The following MYO16 variants were observed in gnomAD, a reference collection of about 807,000 sequenced individuals.
MYO16 encodes the protein myosin XVI.
MYO16 carries 94 observed loss-of-function variants against 205.3 expected under a neutral mutation model. The ratio of observed to expected loss-of-function variants is 0.46; its 90% CI spans 0.39 to 0.54. The LOEUF is 0.54. Among genes scored for constraint, MYO16 ranks in the 20% least tolerant of loss-of-function variants. MYO16 has a pLI of 0.00. For missense variants in MYO16, 2,315 were observed against 2,387.5 expected, an observed-to-expected ratio of 0.97 and a Z score of 0.63; for synonymous variants, 988 against 954.0, an observed-to-expected ratio of 1.04 and a Z score of -0.66.
At chr13:108,883,249 G>A in intron 13 of MYO16, 63 bp downstream of exon 13, 1 of 1,565,168 alleles carries the variant, frequency 6.4e-7, no homozygotes, top group African/African-American at 1.4e-5. Context: ...CAGTAAAGAT[G>A]TACTCATTTC....
intron 27 of MYO16, among the ~76,000 whole-genome samples, chr13:109,073,108 C>CTTTTT (rs67656911): frequency 6.8e-6 from 1 of 148,142 alleles, no homozygotes. Flanking sequence ...TATGGAATAT[C>CTTTTT]TTTTTTTTTT....
chr13:109,116,467 C>G (rs944098308), intron 28 of MYO16, among the ~76,000 whole-genome samples: 19 of 152,032 alleles, frequency 1.2e-4, no homozygotes, highest in African/African-American at 4.3e-4. Flanking sequence ...TATCCCAATC[C>G]GTGGCTCCCA....
intron 2 of MYO16, among the ~76,000 whole-genome samples, chr13:108,673,413 G>A (rs1044575290): frequency 6.4e-5 from 9 of 141,472 alleles, no homozygotes; most frequent in Admixed American, 3.6e-4. Context: ...TACTTAATAT[G>A]CCAAATGTTT....
intron 20 of MYO16, among the ~76,000 whole-genome samples, chr13:108,967,137 T>C (rs920956177): frequency 1.3e-5 from 2 of 149,366 alleles, no homozygotes; most frequent in African/African-American, 5.0e-5. Flanking sequence ...TATACAGACA[T>C]GTATACTGAC....
At chr13:108,821,151 T>A (rs423159) in intron 8 of MYO16, among the ~76,000 whole-genome samples, 4,238 of 152,144 alleles carry the variant, frequency 0.028, 185 homozygotes, top group African/African-American at 0.094. Flanking sequence ...TGAATAACTT[T>A]ATAAATACAT....
chr13:109,052,198 C>A, intron 24 of MYO16, 102 bp from the exon 25 acceptor site: 1 of 1,000,278 alleles, frequency 1.0e-6, no homozygotes, highest in Non-Finnish European at 1.5e-6. Context: ...ACGTCTTGCA[C>A]CCAGAATGTA....
At chr13:108,883,211 C>T (rs1176472894) in intron 13 of MYO16, 25 bp downstream of exon 13, 9 of 1,605,072 alleles carry the variant, frequency 5.6e-6, no homozygotes, top group African/African-American at 1.3e-5. Flanking sequence ...ACCTTGTCTG[C>T]CAGGCTCAGG....
At chr13:108,992,354 C>G in intron 20 of MYO16, 22 bp from the exon 21 acceptor site, 1 of 1,581,184 alleles carries the variant, frequency 6.3e-7, no homozygotes, top group Non-Finnish European at 8.7e-7. Flanking sequence ...CCCATTTATC[C>G]TGGTGTATTG....
intron 33 of MYO16, among the ~76,000 whole-genome samples, chr13:109,174,749 T>C (rs1392161345): frequency 2.1e-4 from 2 of 9,722 alleles, no homozygotes; most frequent in Non-Finnish European, 1.7e-3. Flanking sequence ...TTGTCTTGTC[T>C]TTTTTTTTTT....
chr13:108,844,567 T>C (rs568910903), intron 10 of MYO16, 74 bp downstream of exon 10: 2 of 1,418,196 alleles, frequency 1.4e-6, no homozygotes, highest in Admixed American at 2.4e-5. Context: ...CCAACATATT[T>C]CAAAAACAAA....
intron 2 of MYO16, among the ~76,000 whole-genome samples, chr13:108,679,149 C>G (rs1332466417): frequency 6.6e-6 from 1 of 152,138 alleles, no homozygotes; most frequent in Admixed American, 6.5e-5. Flanking sequence ...ATACCTCTAG[C>G]CTGCTCCTGC....
intron 28 of MYO16, among the ~76,000 whole-genome samples, chr13:109,112,003 T>C (rs1391520734): frequency 6.6e-6 from 1 of 152,024 alleles, no homozygotes; most frequent in Non-Finnish European, 1.5e-5. Context: ...GACTTAAAAA[T>C]AAAGGGATAG....
chr13:108,518,176 T>C, the MYO16 span, among the ~76,000 whole-genome samples: 18 of 152,084 alleles, frequency 1.2e-4, no homozygotes, highest in Non-Finnish European at 2.6e-4. Flanking sequence ...GGTAAAAGGG[T>C]AGAAAAATAT....
chr13:108,678,792 T>A (rs1410066520), intron 2 of MYO16, among the ~76,000 whole-genome samples: 2 of 152,204 alleles, frequency 1.3e-5, no homozygotes, highest in African/African-American at 4.8e-5. Context: ...ATGGTACCTG[T>A]ATTGGTTTGC....
At chr13:109,154,194 A>C (rs1052585417) in intron 32 of MYO16, among the ~76,000 whole-genome samples, 16 of 152,222 alleles carry the variant, frequency 1.1e-4, no homozygotes, top group African/African-American at 3.9e-4. Flanking sequence ...CAGGTGGGCT[A>C]TGCTTCAGCT....
chr13:108,652,584 A>G (rs1346285914), intron 1 of MYO16, among the ~76,000 whole-genome samples: 6 of 152,166 alleles, frequency 3.9e-5, no homozygotes, highest in Non-Finnish European at 8.8e-5. Context: ...GTCCCTGGCA[A>G]CCATCATTCT....
At chr13:108,806,623 C>T in intron 6 of MYO16, 56 bp from the exon 7 acceptor site, 1 of 1,527,370 alleles carries the variant, frequency 6.5e-7, no homozygotes, top group Non-Finnish European at 9.0e-7. Flanking sequence ...ACTGAGTGAA[C>T]TGCATGAATA....
chr13:109,196,783 C>T (rs1880177657), intron 34 of MYO16, among the ~76,000 whole-genome samples: 1 of 152,186 alleles, frequency 6.6e-6, no homozygotes, highest in Non-Finnish European at 1.5e-5. Flanking sequence ...CGTGACTTTG[C>T]TCTCTCATTA....
chr13:108,961,712 C>G (rs1883590275), intron 18 of MYO16, 56 bp downstream of exon 18: 1 of 1,380,920 alleles, frequency 7.2e-7, no homozygotes, highest in South Asian at 1.2e-5. Flanking sequence ...TTTTGTAGAT[C>G]TACCAGTAGA....
Sources: gnomAD v4.1 joint callset for allele counts (sites outside exome capture counted in the v4.1 genomes callset) on GRCh38, gnomAD v4.1.1 for gene constraint, MANE v1.5 for transcripts, NCBI Gene and HGNC (gene_info 2026-07-23, HGNC 2026-07-21) for gene names.